CDKL3: variants seen among roughly 807,000 people sequenced by gnomAD.
CDKL3 encodes the protein cyclin dependent kinase like 3.
A neutral mutation model predicts 69.3 loss-of-function variants in CDKL3; 65 were observed. The observed-to-expected ratio is 0.94, with a 90% confidence interval of 0.77 to 1.15. The LOEUF (loss-of-function observed/expected upper bound fraction) is 1.15, where lower values mean the gene tolerates loss of function less well. CDKL3 is among the 50% of genes most tolerant of loss of function. The pLI is 0.00. For synonymous variants in CDKL3, 202 were observed against 221.6 expected (o/e 0.91, Z 0.79); for missense variants, 652 against 689.2 (o/e 0.95, Z 0.61).
chr5:134,306,711 T>A lies in CDKL3; in HGVS notation c.1365-9A>T. On this transcript the variant is annotated splice_polypyrimidine_tract_variant and intron_variant, in intron 9 of 12. Coordinates refer to ENST00000265334, the MANE Select transcript of CDKL3 (RefSeq NM_001113575.2). ...TTGCTCTTTCAGTTAACCTATTATT[T>A]AAAAATGAATGAGAAGTTACTAAAA... 8.4e-7 allele frequency: 1 copy of A among 1,184,048 alleles called. No homozygotes were observed. The highest frequency in any genetic ancestry group is 1.2e-6 in the Non-Finnish European group (1 of 841,034). 73.3% of individuals were successfully genotyped at this position (1,184,048 alleles called of 1,614,324 possible).
intron 7 of CDKL3, 148 bp downstream of exon 7, chr5:134,312,144 T>A (rs1367871914): frequency 1.6e-6 from 1 of 614,670 alleles, no homozygotes; most frequent in Non-Finnish European, 2.9e-6. Flanking sequence ...GCTGTCTTCC[T>A]AGTCAATACC....
intron 4 of CDKL3, among the ~76,000 whole-genome samples, chr5:134,322,122 T>G (rs578262246): frequency 6.6e-6 from 1 of 152,302 alleles, no homozygotes; most frequent in East Asian, 1.9e-4. Context: ...CAAGCAATTC[T>G]CCTGCCTCAG....
At chr5:134,337,072 C>T (rs112638891) in intron 4 of CDKL3, among the ~76,000 whole-genome samples, 1,734 of 152,282 alleles carry the variant, frequency 0.011, 11 homozygotes, top group Non-Finnish European at 0.018. Context: ...GCCCCTCCCC[C>T]CACCAAGCTC....
intron 4 of CDKL3, among the ~76,000 whole-genome samples, chr5:134,341,249 T>G (rs1453914205): frequency 6.6e-6 from 1 of 152,180 alleles, no homozygotes; most frequent in African/African-American, 2.4e-5. Context: ...TTAGACTGAA[T>G]GATTTCCCGA....
chr5:134,366,667 A>C (rs1195459117), intron 1 of CDKL3, 123 bp from the exon 2 acceptor site: 1 of 730,636 alleles, frequency 1.4e-6, no homozygotes, highest in Non-Finnish European at 2.1e-6. Flanking sequence ...TAAAAAAAAA[A>C]AAGGAATCTT....
At chr5:134,355,501 G>C (rs897566267) in intron 3 of CDKL3, among the ~76,000 whole-genome samples, 12 of 152,208 alleles carry the variant, frequency 7.9e-5, no homozygotes, top group African/African-American at 2.9e-4. Context: ...TATGTGCAAA[G>C]GTATTGTGTT....
At chr5:134,285,915 A>G (rs942165359), downstream of CDKL3, among the ~76,000 whole-genome samples, 4 of 152,202 alleles carry the variant, frequency 2.6e-5, no homozygotes, top group Non-Finnish European at 5.9e-5. Flanking sequence ...CGAGGTCAAG[A>G]GATTGAGACC....
intron 4 of CDKL3, among the ~76,000 whole-genome samples, chr5:134,322,343 C>A (rs982605288): frequency 1.3e-5 from 2 of 151,938 alleles, no homozygotes; most frequent in African/African-American, 4.8e-5. Context: ...GATCATATAC[C>A]GACTTTATAA....
chr5:134,297,813 C>T (rs1028323115), downstream of CDKL3, among the ~76,000 whole-genome samples: 1 of 151,730 alleles, frequency 6.6e-6, no homozygotes, highest in African/African-American at 2.4e-5. Context: ...AACTCCCGAC[C>T]TCAGGTGATC....
upstream of CDKL3, chr5:134,371,093 CAG>C (rs774660659): frequency 9.0e-6 from 2 of 222,540 alleles, no homozygotes; most frequent in South Asian, 5.6e-5. Flanking sequence ...CCCTCCCACT[CAG>C]GGGTGGATTG....
At chr5:134,336,369 G>T (rs963061258) in intron 4 of CDKL3, among the ~76,000 whole-genome samples, 3 of 152,152 alleles carry the variant, frequency 2.0e-5, no homozygotes, top group African/African-American at 7.2e-5. Context: ...TTCCCTTGCT[G>T]GTGAGGAGTT....
chr5:134,284,847 T>G (rs895637773), downstream of CDKL3, among the ~76,000 whole-genome samples: 19 of 152,222 alleles, frequency 1.2e-4, no homozygotes, highest in African/African-American at 4.3e-4. Flanking sequence ...TCTCCCTTGT[T>G]CCCTGAAAAC....
At chr5:134,288,522 A>G (rs1283653515) in intron 8 of CDKL3, among the ~76,000 whole-genome samples, 1 of 152,260 alleles carries the variant, frequency 6.6e-6, no homozygotes, top group Non-Finnish European at 1.5e-5. Flanking sequence ...AATGGTGACC[A>G]GTGCACAGAT....
intron 10 of CDKL3, among the ~76,000 whole-genome samples, chr5:134,305,528 C>A (rs1053571047): frequency 1.3e-5 from 2 of 152,172 alleles, no homozygotes; most frequent in African/African-American, 2.4e-5. Flanking sequence ...AAATGATATG[C>A]TTTGTAAACA....
intron 12 of CDKL3, among the ~76,000 whole-genome samples, chr5:134,301,045 G>T (rs1766180814): frequency 6.6e-6 from 1 of 151,840 alleles, no homozygotes; most frequent in Non-Finnish European, 1.5e-5. Flanking sequence ...GTCTAGGCTG[G>T]AGTGCAATGG....
intron 4 of CDKL3, 125 bp from the exon 5 acceptor site, chr5:134,322,028 GT>G (rs998030427): frequency 7.8e-6 from 5 of 639,488 alleles, no homozygotes; most frequent in Non-Finnish European, 1.1e-5. Context: ...GTTTTGTTTT[GT>G]TTTTTTTCGA....
chr5:134,350,246 T>TA lies in CDKL3; in HGVS notation c.539+2dup. 3 of 1,550,470 alleles carry TA rather than the reference T, an allele frequency of 1.9e-6. No homozygotes were observed. The highest frequency in any genetic ancestry group is 2.6e-6 in the Non-Finnish European group (3 of 1,149,790). ...GGCTGACAGGATCCCAAAATACACA[T>TA]ACTTTCCATAAGAAGTATCTTTTAA... On this transcript the variant is annotated splice_region_variant and intron_variant, in intron 4 of 12. Coordinates refer to ENST00000265334, the MANE Select transcript of CDKL3 (RefSeq NM_001113575.2).
chr5:134,310,921 C>T (rs907808411), intron 7 of CDKL3, among the ~76,000 whole-genome samples: 3 of 152,242 alleles, frequency 2.0e-5, no homozygotes, highest in Non-Finnish European at 4.4e-5. Flanking sequence ...TTCCTGGACT[C>T]TTCCATATCT....
intron 4 of CDKL3, among the ~76,000 whole-genome samples, chr5:134,331,171 A>T (rs1298811918): frequency 6.6e-6 from 1 of 152,310 alleles, no homozygotes; most frequent in Middle Eastern, 3.4e-3. Flanking sequence ...ACTATTAATC[A>T]TCCTTCAATT....
Sources: gnomAD v4.1 joint callset for allele counts (sites outside exome capture counted in the v4.1 genomes callset) on GRCh38, gnomAD v4.1.1 for gene constraint, MANE v1.5 for transcripts, NCBI Gene and HGNC (gene_info 2026-07-23, HGNC 2026-07-21) for gene names.